RPTOR: variants seen among roughly 807,000 people sequenced by gnomAD.
The protein encoded by RPTOR is regulatory associated protein of MTOR complex 1.
A neutral mutation model predicts 169.9 loss-of-function variants in RPTOR; 21 were observed. That is an observed-to-expected ratio of 0.12 (90% CI 0.09 to 0.18). The LOEUF is 0.18. RPTOR is among the 10% of genes least tolerant of loss of function. The pLI is 1.00. For missense variants in RPTOR, 1,133 were observed against 1,855.9 expected (o/e 0.61, Z 7.16); for synonymous variants, 732 against 753.2 (o/e 0.97, Z 0.46).
At chr17:80,876,625 G>T (rs548836079) in intron 13 of RPTOR, among the ~76,000 whole-genome samples, 1 of 117,302 alleles carries the variant, frequency 8.5e-6, no homozygotes, top group African/African-American at 3.8e-5. Flanking sequence ...TGTGTGTGTC[G>T]CCTGCTGGGT....
intron 20 of RPTOR, among the ~76,000 whole-genome samples, chr17:80,899,747 T>C (rs2068452237): frequency 6.6e-6 from 1 of 152,256 alleles, no homozygotes; most frequent in Non-Finnish European, 1.5e-5. Context: ...CCGTGTGGAC[T>C]GAAGTTTGAA....
chr17:80,876,797 C>A (rs1474760129), intron 13 of RPTOR, among the ~76,000 whole-genome samples: 3 of 125,464 alleles, frequency 2.4e-5, no homozygotes, highest in African/African-American at 9.4e-5. Flanking sequence ...CGAGCCCGTG[C>A]CACACAGGGT....
At chr17:80,930,522 T>TCCCCACCTCATCC (rs1555637062) in intron 24 of RPTOR, among the ~76,000 whole-genome samples, 3 of 13,402 alleles carry the variant, frequency 2.2e-4, no homozygotes, top group African/African-American at 9.2e-4. Context: ...CTTCAGCTTA[T>TCCCCACCTCATCC]CCACTTCAGT....
At chr17:80,750,822 G>C (rs1309236878) in intron 5 of RPTOR, among the ~76,000 whole-genome samples, 1 of 152,110 alleles carries the variant, frequency 6.6e-6, no homozygotes, top group Non-Finnish European at 1.5e-5. Flanking sequence ...GGTTCTTGGT[G>C]ATTGTTGCGT....
At chr17:80,717,876 A>T (rs533869028) in intron 4 of RPTOR, among the ~76,000 whole-genome samples, 1 of 152,198 alleles carries the variant, frequency 6.6e-6, no homozygotes, top group African/African-American at 2.4e-5. Flanking sequence ...GTTTCAGGCA[A>T]TTAGGACTGG....
intron 7 of RPTOR, among the ~76,000 whole-genome samples, chr17:80,791,841 A>G (rs1458227021): frequency 6.6e-6 from 1 of 152,228 alleles, no homozygotes; most frequent in East Asian, 1.9e-4. Context: ...TGATAGCTAG[A>G]TCATAGCTAG....
intron 13 of RPTOR, among the ~76,000 whole-genome samples, chr17:80,874,926 G>A (rs1379071570): frequency 6.6e-6 from 1 of 152,168 alleles, no homozygotes; most frequent in Non-Finnish European, 1.5e-5. Flanking sequence ...CATGAAACAC[G>A]GCCCGTATCT....
intron 3 of RPTOR, among the ~76,000 whole-genome samples, chr17:80,655,847 G>A (rs754183110): frequency 6.6e-6 from 1 of 152,122 alleles, no homozygotes; most frequent in Non-Finnish European, 1.5e-5. Flanking sequence ...TATGTAATGT[G>A]TGTAGCTGGG....
intron 24 of RPTOR, among the ~76,000 whole-genome samples, chr17:80,928,914 G>T (rs549635925): frequency 6.6e-6 from 1 of 152,302 alleles, no homozygotes; most frequent in African/African-American, 2.4e-5. Context: ...CTGTTGGTGG[G>T]TGGGTCCAGT....
chr17:80,899,842 A>G (rs1330154629), intron 20 of RPTOR, among the ~76,000 whole-genome samples: 1 of 152,138 alleles, frequency 6.6e-6, no homozygotes, highest in Non-Finnish European at 1.5e-5. Flanking sequence ...TACACAGGCC[A>G]TAGAAAAACA....
chr17:80,770,132 T>A (rs2066827834), intron 6 of RPTOR, among the ~76,000 whole-genome samples: 1 of 152,200 alleles, frequency 6.6e-6, no homozygotes, highest in Admixed American at 6.5e-5. Context: ...GTGGCGTCTT[T>A]TCCCGTGTCC....
intron 7 of RPTOR, among the ~76,000 whole-genome samples, chr17:80,796,160 G>T (rs1387963596): frequency 6.6e-6 from 1 of 152,194 alleles, no homozygotes; most frequent in Non-Finnish European, 1.5e-5. Flanking sequence ...GAGACTGGGT[G>T]TATTAGGGTT....
Position 80,859,813 on chromosome 17 carries a change from T to C in RPTOR, c.1509+1913T>C, listed in dbSNP as rs115270863. Among the ~76,000 whole-genome samples, 535 of 152,334 alleles carry C rather than the reference T, an allele frequency of 3.5e-3. 6 individuals are homozygous for C. The highest frequency in any genetic ancestry group is 0.012 in the African/African-American group (513 of 41,574). On this transcript the variant is annotated intron_variant, in intron 13 of 33. Coordinates refer to ENST00000306801, the MANE Select transcript of RPTOR (RefSeq NM_020761.3). ...GCTTTCATATGCAAAGTCTCTTAATTCCTAAGTCCCCTGTGAAGTTAGCTT... is the reference window on the plus strand; with the variant it reads ...GCTTTCATATGCAAAGTCTCTTAATCCCTAAGTCCCCTGTGAAGTTAGCTT...
chr17:80,898,662 C>G (rs1416706363), intron 20 of RPTOR, among the ~76,000 whole-genome samples: 1 of 123,492 alleles, frequency 8.1e-6, no homozygotes, highest in Non-Finnish European at 1.7e-5. Context: ...CCCCGCTCCC[C>G]CCCCGCTCCC....
At chr17:80,660,414 T>C (rs147065522) in intron 3 of RPTOR, among the ~76,000 whole-genome samples, 6 of 152,276 alleles carry the variant, frequency 3.9e-5, no homozygotes, top group African/African-American at 1.4e-4. Flanking sequence ...GTTTTTTCCT[T>C]AGTGACATAG....
intron 26 of RPTOR, among the ~76,000 whole-genome samples, chr17:80,946,387 C>G (rs2069104056): frequency 2.0e-5 from 3 of 152,216 alleles, no homozygotes; most frequent in African/African-American, 7.2e-5. Context: ...CAGTGGCATT[C>G]AGCGTATTCA....
At position 80,656,626 on chromosome 17, in the gene RPTOR, G is replaced by A. The variant is rs77907974; in HGVS notation, c.348+12816G>A. 6.8e-3 allele frequency among the ~76,000 whole-genome samples: 1,030 copies of A among 152,302 alleles called. 11 individuals are homozygous for A. The highest frequency in any genetic ancestry group is 0.024 in the African/African-American group (980 of 41,554). Reference sequence around the variant, plus strand: ...TACCTATTCACCATGTGTCATCTCAGAGTAGGAAGGGGACTGTGAGGCAGA... The same window carrying A: ...TACCTATTCACCATGTGTCATCTCAAAGTAGGAAGGGGACTGTGAGGCAGA... On this transcript the variant is annotated intron_variant, in intron 3 of 33. Transcript: ENST00000306801.
At chr17:80,773,478 C>T (rs2066864045) in intron 6 of RPTOR, among the ~76,000 whole-genome samples, 1 of 152,202 alleles carries the variant, frequency 6.6e-6, no homozygotes, top group African/African-American at 2.4e-5. Context: ...TTCTTTCTCA[C>T]TCCCTTGCCA....
At chr17:80,663,177 G>A (rs1208369285) in intron 3 of RPTOR, among the ~76,000 whole-genome samples, 2 of 152,168 alleles carry the variant, frequency 1.3e-5, no homozygotes, top group Admixed American at 6.5e-5. Flanking sequence ...GCACATCCAC[G>A]CAGGGTGCAT....
Sources: allele counts gnomAD v4.1 joint callset (sites outside exome capture counted in the v4.1 genomes callset), GRCh38; gene constraint gnomAD v4.1.1; transcripts MANE v1.5; gene names NCBI Gene and HGNC (gene_info 2026-07-23, HGNC 2026-07-21).